Variants in OSBPL10 observed in about 807,000 individuals in gnomAD.
The protein encoded by OSBPL10 is oxysterol binding protein like 10.
A neutral mutation model predicts 81.7 loss-of-function variants in OSBPL10; 49 were observed. The ratio of observed to expected loss-of-function variants is 0.60; its 90% confidence interval spans 0.48 to 0.76. The LOEUF (loss-of-function observed/expected upper bound fraction) is 0.76, where lower values mean the gene tolerates loss of function less well. Among genes scored for constraint, OSBPL10 ranks in the 30% least tolerant of loss-of-function variants. The pLI is 0.00. For synonymous variants in OSBPL10, 419 were observed against 383.6 expected (o/e 1.09, Z -1.08); for missense variants, 923 against 987.8 (o/e 0.93, Z 0.88).
At chr3:31,684,513 A>T (rs990006763) in intron 7 of OSBPL10, among the ~76,000 whole-genome samples, 1 of 152,184 alleles carries the variant, frequency 6.6e-6, no homozygotes, top group Non-Finnish European at 1.5e-5. Flanking sequence ...GGGCAGGGGA[A>T]GGGAGGGGTC....
At chr3:31,916,409 C>T (rs900712154) in intron 1 of OSBPL10, among the ~76,000 whole-genome samples, 3 of 152,106 alleles carry the variant, frequency 2.0e-5, no homozygotes, top group Non-Finnish European at 4.4e-5. Flanking sequence ...GTGGCCACCC[C>T]ACTGCCTCTA....
At chr3:31,799,130 T>A (rs1699311555) in intron 4 of OSBPL10, among the ~76,000 whole-genome samples, 1 of 152,144 alleles carries the variant, frequency 6.6e-6, no homozygotes, top group Non-Finnish European at 1.5e-5. Flanking sequence ...CTTTTACACA[T>A]AAGACCCTTC....
chr3:31,879,862 C>A, intron 1 of OSBPL10, 32 bp from the exon 2 acceptor site: 1 of 1,599,310 alleles, frequency 6.3e-7, no homozygotes, highest in South Asian at 1.1e-5. Context: ...CATCATTTTT[C>A]TCTCCTACCC....
chr3:31,749,725 G>T (rs1233156965), intron 4 of OSBPL10, among the ~76,000 whole-genome samples: 1 of 152,158 alleles, frequency 6.6e-6, no homozygotes, highest in African/African-American at 2.4e-5. Flanking sequence ...TGAGGGAGGA[G>T]AATCGCTTGA....
rs139735770 is a variant in OSBPL10 at position 32,055,191 on chromosome 3, C to CTTT, written n.186-8591_186-8589dup. On this transcript the variant is annotated intron_variant and non_coding_transcript_variant, in intron 1 of 3. Transcript: ENST00000479173. ...AAGAAAACTTTTGAACTATTTATAG[C>CTTT]TTTTTTTTTTTTTTTTTTTTTTTTT... is the stretch of plus-strand genomic sequence containing the variant. Among the ~76,000 whole-genome samples the CTTT allele has an allele frequency of 7.0e-4, 41 of 58,304 alleles. 4 individuals carry two copies. Among genetic ancestry groups the CTTT allele is most frequent in the African/African-American group, 1.9e-3 (25 of 13,468 alleles). The allele number at this position is 58,304 out of a possible 152,430, so 38.2% of individuals were successfully genotyped here. A position where few individuals can be genotyped will look rare whatever the true frequency, so the allele number is the denominator to read the frequency against.
At chr3:31,905,345 ATTTTTTT>A (rs386396290) in intron 1 of OSBPL10, among the ~76,000 whole-genome samples, 16 of 94,860 alleles carry the variant, frequency 1.7e-4, no homozygotes, top group Admixed American at 5.6e-4. Flanking sequence ...GAACCTGGTG[ATTTTTTT>A]TTTTTTTTTT....
intron 1 of OSBPL10, among the ~76,000 whole-genome samples, chr3:31,884,672 C>A (rs1454987688): frequency 3.3e-5 from 5 of 152,138 alleles, no homozygotes; most frequent in Admixed American, 2.6e-4. Context: ...AAAAGTAAAC[C>A]GTATTTCTGG....
intron 2 of OSBPL10, chr3:31,990,044 T>A: frequency 1.2e-6 from 2 of 1,613,854 alleles, no homozygotes; most frequent in Non-Finnish European, 1.7e-6. Flanking sequence ...TGTGACAAAG[T>A]TTTTAGTCGC....
chr3:31,965,445 TATATA>T (rs1182789940), intron 1 of OSBPL10, among the ~76,000 whole-genome samples: 1 of 67,872 alleles, frequency 1.5e-5, no homozygotes, highest in African/African-American at 1.6e-4. Flanking sequence ...TAATATATAT[TATATA>T]ATATATAATT....
chr3:31,912,799 T>A (rs971520956), intron 1 of OSBPL10, among the ~76,000 whole-genome samples: 26 of 152,128 alleles, frequency 1.7e-4, no homozygotes, highest in Admixed American at 1.7e-3. Flanking sequence ...ACAGCAGGCA[T>A]GATGGATGGA....
chr3:31,677,313 TTTAA>T (rs796419530), intron 8 of OSBPL10, among the ~76,000 whole-genome samples: 7 of 152,236 alleles, frequency 4.6e-5, no homozygotes, highest in African/African-American at 1.7e-4. Context: ...GCGGACACAT[TTTAA>T]TTAATACAAA....
rs183741057 is a variant in OSBPL10 at position 31,979,664 on chromosome 3, G to T, written c.281+1235C>A. ...CTCTCCAAAAAGCATTGTTCTCCTCGCACTGACACTTGTATTTCCCTCTGG... is the reference window on the plus strand; with the variant it reads ...CTCTCCAAAAAGCATTGTTCTCCTCTCACTGACACTTGTATTTCCCTCTGG... On this transcript the variant is annotated intron_variant, in intron 1 of 11. Coordinates refer to ENST00000396556, the MANE Select transcript of OSBPL10 (RefSeq NM_017784.5). 7.2e-5 allele frequency among the ~76,000 whole-genome samples: 11 copies of T among 151,860 alleles called. No homozygotes were observed. The East Asian group carries it at 1.9e-3, about 27-fold the overall frequency.
At chr3:31,999,119 T>C (rs772704690) in intron 2 of OSBPL10, among the ~76,000 whole-genome samples, 2 of 152,160 alleles carry the variant, frequency 1.3e-5, no homozygotes, top group Non-Finnish European at 2.9e-5. Context: ...GTTAGCTTGA[T>C]CAGCTGTCTC....
At chr3:31,861,749 G>A (rs913748569) in intron 3 of OSBPL10, among the ~76,000 whole-genome samples, 1 of 152,146 alleles carries the variant, frequency 6.6e-6, no homozygotes, top group African/African-American at 2.4e-5. Context: ...ACATGTGTCA[G>A]GAACTCAGGC....
intron 1 of OSBPL10, among the ~76,000 whole-genome samples, chr3:32,048,619 T>G (rs1018508180): frequency 2.0e-5 from 3 of 152,150 alleles, no homozygotes; most frequent in Non-Finnish European, 4.4e-5. Context: ...TCTTAGACAC[T>G]ATTACTATAG....
chr3:31,953,619 T>C (rs1448910047), intron 1 of OSBPL10, among the ~76,000 whole-genome samples: 1 of 152,034 alleles, frequency 6.6e-6, no homozygotes, highest in Non-Finnish European at 1.5e-5. Flanking sequence ...TTTCCCAGGC[T>C]GATCTCAAGC....
intron 4 of OSBPL10, among the ~76,000 whole-genome samples, chr3:31,765,624 G>T (rs1166978766): frequency 6.6e-6 from 1 of 152,122 alleles, no homozygotes; most frequent in African/African-American, 2.4e-5. Context: ...CTATGAGATG[G>T]ATCCATTTGA....
chr3:31,958,060 C>T (rs751440393), intron 1 of OSBPL10, among the ~76,000 whole-genome samples: 2 of 152,148 alleles, frequency 1.3e-5, no homozygotes, highest in East Asian at 1.9e-4. Flanking sequence ...AAAAATTAAA[C>T]GTGTGCTATG....
At chr3:31,851,613 C>T (rs1278995329) in intron 3 of OSBPL10, among the ~76,000 whole-genome samples, 1 of 152,232 alleles carries the variant, frequency 6.6e-6, no homozygotes, top group Non-Finnish European at 1.5e-5. Context: ...GAACATTCTC[C>T]TCAATCTCTT....
Sources: gnomAD v4.1 joint callset for allele counts (sites outside exome capture counted in the v4.1 genomes callset) on GRCh38, gnomAD v4.1.1 for gene constraint, MANE v1.5 for transcripts, NCBI Gene and HGNC (gene_info 2026-07-23, HGNC 2026-07-21) for gene names.